The following BRINP1 variants were observed in gnomAD, a reference collection of about 807,000 sequenced individuals.
BRINP1 encodes BMP/retinoic acid-inducible neural-specific protein 1.
In BRINP1, 17 loss-of-function variants were observed where a neutral mutation model predicts 72.9. The observed-to-expected ratio is 0.23, with a 90% CI of 0.16 to 0.35. BRINP1 has a LOEUF of 0.35. BRINP1 is among the 10% of genes least tolerant of loss of function. The pLI, the probability that BRINP1 is intolerant of heterozygous loss-of-function variation, is 1.00. For synonymous variants in BRINP1, 418 were observed against 378.5 expected, an observed-to-expected ratio of 1.10 and a Z score of -1.21; for missense variants, 850 against 1,001.6, an observed-to-expected ratio of 0.85 and a Z score of 2.04.
rs1831731888 is a variant in BRINP1 at position 119,369,396 on chromosome 9, T to C, written c.-391A>G. On this transcript the variant is annotated 5_prime_UTR_variant, in exon 1 of 8. Coordinates refer to ENST00000265922, the MANE Select transcript of BRINP1 (RefSeq NM_014618.3). ...TCCTCCTCCCCGCGCGCCAGATCAG[T>C]TTGCAGCCGTGGGGTCCGGGAGCGA... 2.5e-6 allele frequency: 1 copy of C among 396,126 alleles called. No individual in the cohort carries two copies. 24.5% of individuals were successfully genotyped at this position (396,126 alleles called of 1,614,324 possible). A position where few individuals can be genotyped will look rare whatever the true frequency, so the allele number is the denominator to read the frequency against.
chr9:119,329,446 A>C (rs918962745), intron 1 of BRINP1, among the ~76,000 whole-genome samples: 16 of 152,250 alleles, frequency 1.1e-4, no homozygotes, highest in African/African-American at 3.9e-4. Flanking sequence ...ACAATCATAG[A>C]ATCCAAGAAA....
intron 2 of BRINP1, among the ~76,000 whole-genome samples, chr9:119,295,039 C>G (rs192399106): frequency 8.5e-4 from 129 of 151,802 alleles, no homozygotes; most frequent in Non-Finnish European, 5.9e-5. Flanking sequence ...CTACAAAAGA[C>G]CCCAAATAGC....
intron 1 of BRINP1, among the ~76,000 whole-genome samples, chr9:119,334,360 A>C (rs750498822): frequency 6.6e-6 from 1 of 152,126 alleles, no homozygotes; most frequent in Non-Finnish European, 1.5e-5. Context: ...CACAACGGGG[A>C]AACTGAATCA....
chr9:119,321,488 A>T (rs1053251569), intron 1 of BRINP1, among the ~76,000 whole-genome samples: 1 of 151,890 alleles, frequency 6.6e-6, no homozygotes. Context: ...TATTTTTTTT[A>T]TTTATTTATT....
At chr9:119,200,263 G>C (rs1464819624) in intron 7 of BRINP1, among the ~76,000 whole-genome samples, 1 of 152,176 alleles carries the variant, frequency 6.6e-6, no homozygotes, top group African/African-American at 2.4e-5. Context: ...GAAGAATATA[G>C]AAAAGATGTA....
At chr9:119,323,396 T>C (rs1031126145) in intron 1 of BRINP1, among the ~76,000 whole-genome samples, 3 of 152,130 alleles carry the variant, frequency 2.0e-5, no homozygotes, top group Admixed American at 6.5e-5. Context: ...CCCCTCCACA[T>C]AGATCAGAGG....
chr9:119,210,859 G>C (rs1157689100), intron 6 of BRINP1, among the ~76,000 whole-genome samples: 1 of 152,166 alleles, frequency 6.6e-6, no homozygotes, highest in East Asian at 1.9e-4. Flanking sequence ...GAATGACATA[G>C]TGGCATAGGA....
At chr9:119,327,054 G>A (rs1831248575) in intron 1 of BRINP1, among the ~76,000 whole-genome samples, 1 of 152,178 alleles carries the variant, frequency 6.6e-6, no homozygotes, top group Non-Finnish European at 1.5e-5. Context: ...GAGGCAGGGA[G>A]TGGCAGAAGA....
intron 1 of BRINP1, among the ~76,000 whole-genome samples, chr9:119,313,642 A>T (rs1284965316): frequency 6.6e-6 from 1 of 152,158 alleles, no homozygotes; most frequent in Admixed American, 6.5e-5. Flanking sequence ...TGCTGTTCAC[A>T]TATTGTCTGA....
At position 119,168,483 on chromosome 9, in the gene BRINP1, G is replaced by A. The variant is rs188667028; in HGVS notation, c.1146-259C>T. 3.4e-5 allele frequency among the ~76,000 whole-genome samples: 5 copies of A among 145,994 alleles called. No homozygotes were observed. The East Asian group carries it at 7.8e-4, about 23-fold the overall frequency. On this transcript the variant is annotated intron_variant, in intron 7 of 7. Transcript: ENST00000265922. ...TCATCTGCAAAGTGAAGGGGTTGGA[G>A]TAAATGTTCCTTGGGGTCCTTCCAG...
chr9:119,336,820 G>A (rs1564251558), intron 1 of BRINP1, among the ~76,000 whole-genome samples: 1 of 151,976 alleles, frequency 6.6e-6, no homozygotes, highest in Admixed American at 6.6e-5. Context: ...CAGAATGGGA[G>A]AGAGAAGAGA....
At position 119,214,169 on chromosome 9, in the gene BRINP1, G is replaced by A. The variant is rs1341097365; in HGVS notation, c.686-14C>T. 6.3e-7 allele frequency: 1 copy of A among 1,577,598 alleles called. No individual in the cohort carries two copies. Among genetic ancestry groups the A allele is most frequent in the Non-Finnish European group, 8.7e-7 (1 of 1,147,718 alleles). On this transcript the variant is annotated splice_polypyrimidine_tract_variant and intron_variant, in intron 5 of 7. Transcript: ENST00000265922. ...TTATCTGAAGACCTGTGTGAGAATA[G>A]CAAGAAGGGAAAACAGAAAGGTTTA...
chr9:119,364,018 C>CTT (rs139650782), intron 1 of BRINP1, among the ~76,000 whole-genome samples: 10 of 125,508 alleles, frequency 8.0e-5, no homozygotes, highest in Non-Finnish European at 1.5e-4. Context: ...TCATCCCTCC[C>CTT]TTTTTTTTTT....
chr9:119,352,611 T>C (rs1486455363), intron 1 of BRINP1, among the ~76,000 whole-genome samples: 3 of 152,204 alleles, frequency 2.0e-5, no homozygotes, highest in Non-Finnish European at 4.4e-5. Context: ...TTTCACCATG[T>C]TGGCCAGGCT....
rs1370215655 is a variant in BRINP1, at chr9:119,178,607, C to G, written c.1146-10383G>C. 8.5e-5 allele frequency among the ~76,000 whole-genome samples: 13 copies of G among 152,306 alleles called. No homozygotes were observed. The East Asian group carries it at 2.5e-3, about 29-fold the overall frequency. ...CTAAACCAGCTGAGAGCATCAGTGA[C>G]TTACAACTATTGAGTTCTCACTGTA... On this transcript the variant is annotated intron_variant, in intron 7 of 7. Coordinates refer to ENST00000265922, the MANE Select transcript of BRINP1 (RefSeq NM_014618.3).
At chr9:119,197,069 A>G (rs1435069713) in intron 7 of BRINP1, among the ~76,000 whole-genome samples, 1 of 152,222 alleles carries the variant, frequency 6.6e-6, no homozygotes, top group African/African-American at 2.4e-5. Flanking sequence ...GCCTTCACTG[A>G]ATTTGTGGTC....
chr9:119,270,193 A>T, intron 2 of BRINP1, among the ~76,000 whole-genome samples: 1 of 152,112 alleles, frequency 6.6e-6, no homozygotes, highest in Non-Finnish European at 1.5e-5. Flanking sequence ...AAGGAGTAAT[A>T]GCGGGTAATG....
chr9:119,181,835 A>G (rs1829561452), intron 7 of BRINP1, among the ~76,000 whole-genome samples: 1 of 152,214 alleles, frequency 6.6e-6, no homozygotes, highest in Admixed American at 6.5e-5. Context: ...GCTACTCATT[A>G]TTTAACCTTG....
chr9:119,287,592 T>C (rs1306311461), intron 2 of BRINP1, among the ~76,000 whole-genome samples: 1 of 152,160 alleles, frequency 6.6e-6, no homozygotes, highest in Non-Finnish European at 1.5e-5. Flanking sequence ...ATAAAGGACC[T>C]ACGGAATAAA....
Sources: gnomAD v4.1 joint callset for allele counts (sites outside exome capture counted in the v4.1 genomes callset) on GRCh38, gnomAD v4.1.1 for gene constraint, MANE v1.5 for transcripts, NCBI Gene and HGNC (gene_info 2026-07-23, HGNC 2026-07-21) for gene names.